PPOX: variants seen among roughly 807,000 people sequenced by gnomAD.
PPOX encodes variegate porphyria.
Under a neutral mutation model 54.1 loss-of-function variants are expected in PPOX, and 23 were observed. The observed-to-expected ratio is 0.43, with a 90% confidence interval of 0.31 to 0.60. The LOEUF is 0.60. PPOX is among the 20% of genes least tolerant of loss of function. PPOX has a pLI of 0.13. For synonymous variants in PPOX, 224 were observed against 236.1 expected (o/e 0.95, Z 0.47); for missense variants, 512 against 601.1 (o/e 0.85, Z 1.55).
chr1:161,175,119 G>A, downstream of PPOX: 1 of 1,613,978 alleles, frequency 6.2e-7, no homozygotes, highest in Non-Finnish European at 8.5e-7. Flanking sequence ...TTCGGGAGCG[G>A]GGCTCACAAC....
At chr1:161,171,753 A>T, downstream of PPOX, 2 of 1,577,350 alleles carry the variant, frequency 1.3e-6, no homozygotes, top group Non-Finnish European at 1.7e-6. Flanking sequence ...TGAGGAGCTG[A>T]GGGTGGGGAG....
At chr1:161,166,262 T>A, upstream of PPOX, 1 of 998,062 alleles carries the variant, frequency 1.0e-6, no homozygotes, top group Non-Finnish European at 1.2e-6. Context: ...GGCCGCTCAC[T>A]CCCAGCTCGG....
chr1:161,172,414 AAAC>A (rs1157101652), downstream of PPOX: 15 of 1,244,388 alleles, frequency 1.2e-5, no homozygotes, highest in East Asian at 2.4e-5. Context: ...ACACACAAAA[AAAC>A]AACTATTACT....
At chr1:161,170,590 A>G (rs375227611) in intron 10 of PPOX, 30 bp from the exon 11 acceptor site, 1 of 1,614,088 alleles carries the variant, frequency 6.2e-7, no homozygotes, top group African/African-American at 1.3e-5. Context: ...AGGCAAGGCC[A>G]GACTGATCAG....
intron 2 of PPOX, 25 bp downstream of exon 2, chr1:161,166,959 G>T (rs774226919): frequency 1.9e-6 from 3 of 1,613,072 alleles, no homozygotes; most frequent in Non-Finnish European, 2.5e-6. Flanking sequence ...TGTGCCAGAG[G>T]GAGCTTCATT....
At chr1:161,167,552 CTTTTCTTTTT>C in intron 4 of PPOX, 66 bp downstream of exon 4, 1 of 573,740 alleles carries the variant, frequency 1.7e-6, no homozygotes, top group Non-Finnish European at 2.7e-6. Context: ...TTTCTTTCTT[CTTTTCTTTTT>C]TTTTTTTTTT....
chr1:161,169,957 G>A lies in PPOX; in HGVS notation c.920G>A (p.Ser307Asn), dbSNP rs762786491. The A allele has an allele frequency of 6.2e-7, 1 of 1,614,180 alleles. No homozygotes were observed. Among genetic ancestry groups the A allele is most frequent in the Non-Finnish European group, 8.5e-7 (1 of 1,180,026 alleles). The stretch of plus-strand genomic sequence containing the variant: ...GCTGCCCCTCTGGCTCGTGCCCTGA[G>A]TGCCATCACTGCAGTGTCTGTAGCT... ...AEAAPLARAL[S>N]AITAVSVAVV... Residue 307 changes from serine to asparagine, a missense_variant, in exon 9 of 13, where the codon AGT (serine) becomes AAT (asparagine). Physicochemically the swap from Ser to Asn is conservative, Grantham distance 46. Transcript: ENST00000367999.
chr1:161,167,886 T>A, intron 4 of PPOX, 109 bp from the exon 5 acceptor site: 1 of 1,556,100 alleles, frequency 6.4e-7, no homozygotes, highest in Non-Finnish European at 8.8e-7. Flanking sequence ...TTCATCTCCC[T>A]GTCAGCCTTC....
At chr1:161,177,262 C>A (rs1420445378), downstream of PPOX, 3 of 612,034 alleles carry the variant, frequency 4.9e-6, no homozygotes, top group African/African-American at 5.5e-5. Flanking sequence ...TTTGCCCTAC[C>A]TACTAGCAAC....
intron 6 of PPOX, among the ~76,000 whole-genome samples, 169 bp downstream of exon 6, chr1:161,168,745 C>G (rs199574269): frequency 6.6e-6 from 1 of 152,172 alleles, no homozygotes; most frequent in East Asian, 1.9e-4. Flanking sequence ...TCGCTGCAAC[C>G]TCCGCCTCCC....
chr1:161,175,172 G>A (rs369568756), downstream of PPOX: 17 of 1,613,528 alleles, frequency 1.1e-5, no homozygotes, highest in Non-Finnish European at 1.3e-5. Context: ...CGGGGATTCC[G>A]CTCCACAATC....
intron 11 of PPOX, 62 bp from the exon 12 acceptor site, chr1:161,170,845 G>A: frequency 6.2e-7 from 1 of 1,613,762 alleles, no homozygotes; most frequent in Non-Finnish European, 8.5e-7. Flanking sequence ...GTCACTGTAT[G>A]TCAGCCAAGG....
downstream of PPOX, chr1:161,173,576 AGGAG>A (rs1305107292): frequency 6.2e-7 from 1 of 1,612,992 alleles, no homozygotes; most frequent in African/African-American, 1.3e-5. Flanking sequence ...GACTGGGGTC[AGGAG>A]GGAGGAAGTG....
At chr1:161,171,782 C>T (rs145419100), downstream of PPOX, 9 of 1,609,520 alleles carry the variant, frequency 5.6e-6, no homozygotes, top group African/African-American at 8.0e-5. Flanking sequence ...CCCATGAATT[C>T]GGTTTCATGA....
chr1:161,171,546 T>C (rs1661434896), downstream of PPOX: 1 of 588,174 alleles, frequency 1.7e-6, no homozygotes, highest in African/African-American at 1.9e-5. Context: ...GCTCCTACTC[T>C]AGGGGCAGGG....
downstream of PPOX, chr1:161,172,343 G>C: frequency 1.2e-6 from 2 of 1,611,172 alleles, no homozygotes; most frequent in South Asian, 1.1e-5. Context: ...TATGGGAAAA[G>C]TGAGGGTATC....
chr1:161,171,112 A>C lies in PPOX; in HGVS notation c.1370A>C (p.Asn457Thr). The C allele has an allele frequency of 4.3e-6, 7 of 1,613,974 alleles. No individual in the cohort carries two copies. The highest frequency in any genetic ancestry group is 5.9e-6 in the Non-Finnish European group (7 of 1,180,026). The change falls in exon 13 of 13, where the codon AAT (asparagine) becomes ACT (threonine). Residue 457 changes from asparagine to threonine, a missense_variant. By Grantham distance (65) the Asn-to-Thr change is moderately conservative (BLOSUM62 0). Coordinates refer to ENST00000367999, the MANE Select transcript of PPOX (RefSeq NM_001122764.3). ...GCCTCCTATGAGGGAGTTGCTGTTAATGACTGTATAGAGAGTGGGCGCCAG... is the reference window on the plus strand; with the variant it reads ...GCCTCCTATGAGGGAGTTGCTGTTACTGACTGTATAGAGAGTGGGCGCCAG... ...AGASYEGVAV[N>T]DCIESGRQAA... is the part of the protein sequence containing the mutation.
downstream of PPOX, chr1:161,176,157 T>C (rs1663433844): frequency 7.6e-6 from 11 of 1,452,334 alleles, no homozygotes; most frequent in Admixed American, 1.9e-4. Flanking sequence ...TTGAAGGTGA[T>C]GCCAGGGGTA....
chr1:161,168,626 G>C (rs1365830672), intron 6 of PPOX, 50 bp downstream of exon 6: 2 of 1,596,506 alleles, frequency 1.3e-6, no homozygotes, highest in Non-Finnish European at 1.7e-6. Context: ...CTGCCAAAGT[G>C]AGGGAGTGGG....
Sources: allele counts gnomAD v4.1 joint callset (sites outside exome capture counted in the v4.1 genomes callset), GRCh38; gene constraint gnomAD v4.1.1; transcripts MANE v1.5; gene names NCBI Gene and HGNC (gene_info 2026-07-23, HGNC 2026-07-21).